WLS: variants seen among roughly 807,000 people sequenced by gnomAD.
WLS encodes protein wntless homolog.
A neutral mutation model predicts 62.8 loss-of-function variants in WLS; 23 were observed. The observed-to-expected ratio is 0.37, with a 90% CI of 0.26 to 0.52. The LOEUF is 0.52. Among genes scored for constraint, WLS ranks in the 20% least tolerant of loss-of-function variants. The pLI, the probability that WLS is intolerant of heterozygous loss-of-function variation, is 0.92. For missense variants in WLS, 615 were observed against 697.3 expected, an observed-to-expected ratio of 0.88 and a Z score of 1.33; for synonymous variants, 246 against 244.1, an observed-to-expected ratio of 1.01 and a Z score of -0.07.
intron 6 of WLS, 27 bp from the exon 7 acceptor site, chr1:68,148,687 G>A (rs758906286): frequency 3.1e-6 from 5 of 1,608,152 alleles, no homozygotes; most frequent in Admixed American, 3.4e-5. Flanking sequence ...TGAGAAGGGA[G>A]ATAGAGGGGA....
At chr1:68,218,901 C>G (rs1308814571) in intron 1 of WLS, among the ~76,000 whole-genome samples, 1 of 152,176 alleles carries the variant, frequency 6.6e-6, no homozygotes, top group Admixed American at 6.5e-5. Context: ...TTATTGGTCT[C>G]TAAGTACAAC....
At chr1:68,164,351 C>T (rs539089526) in intron 2 of WLS, among the ~76,000 whole-genome samples, 86 of 151,898 alleles carry the variant, frequency 5.7e-4, no homozygotes, top group African/African-American at 2.0e-3. Flanking sequence ...CTCTGCCTCC[C>T]GGGTTCAAGC....
intron 2 of WLS, among the ~76,000 whole-genome samples, chr1:68,160,294 A>G (rs928029415): frequency 6.6e-6 from 1 of 152,034 alleles, no homozygotes; most frequent in Non-Finnish European, 1.5e-5. Context: ...CAGAATTCTA[A>G]AAGTTGAGCA....
intron 2 of WLS, among the ~76,000 whole-genome samples, chr1:68,159,639 C>A (rs1432812144): frequency 6.6e-6 from 1 of 152,160 alleles, no homozygotes; most frequent in Non-Finnish European, 1.5e-5. Flanking sequence ...TCTTGAAAAC[C>A]ATACCACATC....
rs944029960 is a variant in WLS, at chr1:68,125,368, A to C, written c.*858T>G. 4 of 985,336 alleles carry C rather than the reference A, an allele frequency of 4.1e-6. No individual in the cohort carries two copies. The African/African-American group carries it at 7.0e-5, about 17-fold the overall frequency. The allele number at this position is 985,336 out of a possible 1,614,324, so 61.0% of individuals were successfully genotyped here. On this transcript the variant is annotated 3_prime_UTR_variant, in exon 12 of 12. Transcript: ENST00000262348. ...ATCTGCACGCATGTGTATGAGTTTT[A>C]GCAGGAGGGGATATGCATGTACACA...
intron 2 of WLS, among the ~76,000 whole-genome samples, chr1:68,171,488 T>C (rs1647152525): frequency 6.6e-6 from 1 of 151,778 alleles, no homozygotes; most frequent in Non-Finnish European, 1.5e-5. Context: ...AAAAACCCCA[T>C]CAAAAAGTGG....
intron 11 of WLS, among the ~76,000 whole-genome samples, chr1:68,136,213 C>T (rs1183542009): frequency 2.0e-5 from 3 of 152,132 alleles, no homozygotes; most frequent in African/African-American, 4.8e-5. Context: ...GTAACTACCC[C>T]CCTCCCTTCT....
intron 11 of WLS, among the ~76,000 whole-genome samples, chr1:68,136,213 C>G (rs1183542009): frequency 6.6e-6 from 1 of 152,132 alleles, no homozygotes; most frequent in Non-Finnish European, 1.5e-5. Flanking sequence ...GTAACTACCC[C>G]CCTCCCTTCT....
chr1:68,133,051 G>GCAGCAGCAA (rs1557464612), intron 11 of WLS, among the ~76,000 whole-genome samples: 11 of 151,954 alleles, frequency 7.2e-5, no homozygotes, highest in African/African-American at 2.2e-4. Flanking sequence ...AAAGGCAGCA[G>GCAGCAGCAA]CAGCAACAGC....
downstream of WLS, among the ~76,000 whole-genome samples, chr1:68,122,532 ATTTG>A (rs1012551351): frequency 6.6e-6 from 1 of 151,836 alleles, no homozygotes; most frequent in African/African-American, 2.4e-5. Context: ...ATTGCATTTT[ATTTG>A]TTTGTTGTAA....
intron 1 of WLS, among the ~76,000 whole-genome samples, chr1:68,225,814 C>T (rs1442914686): frequency 6.6e-6 from 1 of 152,152 alleles, no homozygotes; most frequent in Non-Finnish European, 1.5e-5. Flanking sequence ...TCTTTCTTTC[C>T]TCTCCTTTGA....
chr1:68,185,240 A>G (rs2100579290), intron 2 of WLS, among the ~76,000 whole-genome samples: 1 of 152,334 alleles, frequency 6.6e-6, no homozygotes. Flanking sequence ...CCTGTTATAA[A>G]TACGCGTTCC....
chr1:68,153,786 A>G, intron 4 of WLS, 133 bp from the exon 5 acceptor site: 2 of 1,205,148 alleles, frequency 1.7e-6, no homozygotes, highest in African/African-American at 1.5e-5. Flanking sequence ...TTTCACATTC[A>G]TAGCAGGTAC....
At chr1:68,109,967 T>C (rs1475528738) in intron 11 of WLS, among the ~76,000 whole-genome samples, 1 of 133,132 alleles carries the variant, frequency 7.5e-6, no homozygotes, top group Non-Finnish European at 1.6e-5. Context: ...GGGGAAATCA[T>C]TGAATCAACT....
chr1:68,152,994 G>A (rs569926283), intron 5 of WLS, among the ~76,000 whole-genome samples: 1 of 152,224 alleles, frequency 6.6e-6, no homozygotes, highest in African/African-American at 2.4e-5. Flanking sequence ...AACCAGAAAG[G>A]TCAGCTGGGT....
Position 68,179,425 on chromosome 1 carries a change from C to T in WLS, c.379+14530G>A, listed in dbSNP as rs537633498. Among the ~76,000 whole-genome samples the T allele has an allele frequency of 5.9e-5, 9 of 152,236 alleles. No individual in the cohort carries two copies. In the East Asian group the frequency reaches 1.7e-3, roughly 29 times the overall value. ...GTCCTAACATCATGTACACTCATAG[C>T]CTCTCGACTTCCCAGCTGGGAGACT... On this transcript the variant is annotated intron_variant, in intron 2 of 11. Transcript: ENST00000262348.
intron 11 of WLS, among the ~76,000 whole-genome samples, chr1:68,128,683 T>C (rs565858223): frequency 6.6e-6 from 1 of 152,338 alleles, no homozygotes; most frequent in South Asian, 2.1e-4. Context: ...CAAAATTGCC[T>C]TGGCTTCTTT....
At chr1:68,215,292 T>C (rs1649681134) in intron 1 of WLS, among the ~76,000 whole-genome samples, 1 of 152,116 alleles carries the variant, frequency 6.6e-6, no homozygotes, top group South Asian at 2.1e-4. Flanking sequence ...AAATAGTATA[T>C]TAAAAGAAAG....
At chr1:68,098,757 G>C in intron 11 of WLS, 1 of 1,613,196 alleles carries the variant, frequency 6.2e-7, no homozygotes, top group Non-Finnish European at 8.5e-7. Context: ...TGCATTCCTG[G>C]AAAATTCAGT....
Sources: gnomAD v4.1 joint callset for allele counts (sites outside exome capture counted in the v4.1 genomes callset) on GRCh38, gnomAD v4.1.1 for gene constraint, MANE v1.5 for transcripts, NCBI Gene and HGNC (gene_info 2026-07-23, HGNC 2026-07-21) for gene names.